DMXL1: variants seen among roughly 807,000 people sequenced by gnomAD.
DMXL1 encodes the protein Dmx like 1.
In DMXL1, 99 loss-of-function variants were observed where a neutral mutation model predicts 319.2. The observed-to-expected ratio is 0.31, with a 90% CI of 0.26 to 0.37. The LOEUF is 0.37. DMXL1 is among the 10% of genes least tolerant of loss of function. The pLI, the probability that DMXL1 is intolerant of heterozygous loss-of-function variation, is 1.00. For missense variants in DMXL1, 3,745 were observed against 3,595.6 expected (o/e 1.04, Z -1.06); for synonymous variants, 1,385 against 1,235.2 (o/e 1.12, Z -2.54).
chr5:119,142,517 T>TAA (rs148846123), intron 13 of DMXL1, among the ~76,000 whole-genome samples: 21 of 62,276 alleles, frequency 3.4e-4, no homozygotes, highest in Middle Eastern at 0.014. Flanking sequence ...TATTAAAAAG[T>TAA]AAAAAAAAAA....
At position 119,191,442 on chromosome 5, in the gene DMXL1, T is replaced by C. The variant is rs554624010; in HGVS notation, c.7314+1556T>C. Among the ~76,000 whole-genome samples the C allele has an allele frequency of 9.8e-5, 15 of 152,342 alleles. No homozygotes were observed. The East Asian group carries it at 2.5e-3, about 25-fold the overall frequency. ...GGGTCTCCTTGTTCCTCACTGCCCT[T>C]TTTTGAGTCATTTATTCATTCATAT... On this transcript the variant is annotated intron_variant, in intron 29 of 43. Transcript: ENST00000539542.
At position 119,196,373 on chromosome 5, in the gene DMXL1, G is replaced by T; in HGVS notation, c.7460G>T (p.Trp2487Leu). The T allele has an allele frequency of 6.2e-7, 1 of 1,613,002 alleles. No homozygotes were observed. Among genetic ancestry groups the T allele is most frequent in the South Asian group, 1.1e-5 (1 of 91,054 alleles). ...ATCCATCGTTGCTTTATTTTTAGTTGGTCCTTGATGCGGTTGGCGATGGTG... is the reference window on the plus strand; with the variant it reads ...ATCCATCGTTGCTTTATTTTTAGTTTGTCCTTGATGCGGTTGGCGATGGTG... ...QEHSNSNSYS[W>L]SLMRLAMVQL... The change falls in exon 31 of 44, where the codon TGG (tryptophan) becomes TTG (leucine). Residue 2487 changes from tryptophan to leucine, a missense_variant and splice_region_variant. By Grantham distance (61) the Trp-to-Leu change is moderately conservative. This residue lies in a region of DMXL1 where 1,382 missense variants were observed against 1,269.5 expected (regional missense o/e 1.09). Coordinates refer to ENST00000539542, the MANE Select transcript of DMXL1 (RefSeq NM_001290321.3).
intron 9 of DMXL1, among the ~76,000 whole-genome samples, chr5:119,126,528 A>T (rs1227584000): frequency 6.6e-6 from 1 of 152,182 alleles, no homozygotes; most frequent in Non-Finnish European, 1.5e-5. Context: ...ACAAAAAAGA[A>T]AATGTAGGAA....
chr5:119,146,534 CCTAT>C (rs1409988838), intron 15 of DMXL1, among the ~76,000 whole-genome samples: 1 of 151,828 alleles, frequency 6.6e-6, no homozygotes, highest in Non-Finnish European at 1.5e-5. Context: ...TTACATAGTT[CCTAT>C]CTGTTTAGAA....
intron 13 of DMXL1, among the ~76,000 whole-genome samples, chr5:119,141,317 G>C (rs1225275275): frequency 6.6e-6 from 1 of 152,138 alleles, no homozygotes; most frequent in Admixed American, 6.5e-5. Context: ...AACTATCACT[G>C]TTTGTACATG....
intron 35 of DMXL1, among the ~76,000 whole-genome samples, chr5:119,219,585 A>T (rs1263621057): frequency 6.6e-6 from 1 of 151,800 alleles, no homozygotes; most frequent in Non-Finnish European, 1.5e-5. Flanking sequence ...TTATTTATTT[A>T]TTTATTGAGA....
In DMXL1 at chr5:119,150,325, G is replaced by A. The variant is rs748271203; in HGVS notation, c.4498G>A (p.Gly1500Arg). The A allele has an allele frequency of 1.2e-6, 2 of 1,613,838 alleles. No homozygotes were observed. Among genetic ancestry groups the A allele is most frequent in the Non-Finnish European group, 1.7e-6 (2 of 1,179,846 alleles). The stretch of plus-strand genomic sequence containing the variant: ...CCACTTACTTCATTCTAGTTTACCA[G>A]GACTCAGCCGGATGGAGCAGATGTC... Reference protein sequence around the residue: ...SGHLLHSSLPGLSRMEQMSLM... With the variant: ...SGHLLHSSLPRLSRMEQMSLM... The change falls in exon 18 of 44, where the codon GGA (glycine) becomes AGA (arginine). Residue 1500 changes from glycine to arginine, a missense_variant. This residue lies in a region of DMXL1 where 2,096 missense variants were observed against 1,985.4 expected (regional missense o/e 1.06). Transcript: ENST00000539542.
intron 8 of DMXL1, among the ~76,000 whole-genome samples, chr5:119,119,488 C>T (rs1281217853): frequency 1.3e-5 from 2 of 151,276 alleles, no homozygotes; most frequent in African/African-American, 4.9e-5. Flanking sequence ...TGATCGTAGC[C>T]TAAAGGCTGA....
At chr5:119,121,417 A>G (rs1762021844) in intron 9 of DMXL1, among the ~76,000 whole-genome samples, 1 of 152,026 alleles carries the variant, frequency 6.6e-6, no homozygotes, top group African/African-American at 2.4e-5. Context: ...TCCTAGGCAG[A>G]GGACCCTGCG....
chr5:119,232,556 T>C (rs1213623532), intron 38 of DMXL1, among the ~76,000 whole-genome samples: 6 of 152,224 alleles, frequency 3.9e-5, no homozygotes, highest in Non-Finnish European at 8.8e-5. Flanking sequence ...CAGTGACTTA[T>C]ATATCATTAG....
At chr5:119,236,281 C>T (rs1339933695) in intron 39 of DMXL1, 1 of 152,008 alleles carries the variant, frequency 6.6e-6, no homozygotes, top group African/African-American at 2.4e-5. Flanking sequence ...TATATTACCA[C>T]ATAGGATTTA....
intron 1 of DMXL1, among the ~76,000 whole-genome samples, chr5:119,083,718 T>G (rs951595130): frequency 2.0e-5 from 3 of 151,976 alleles, no homozygotes; most frequent in African/African-American, 7.3e-5. Context: ...TTTTTGTGTT[T>G]TTAGTAGAGA....
intron 10 of DMXL1, among the ~76,000 whole-genome samples, chr5:119,132,130 G>A (rs781498281): frequency 3.9e-5 from 6 of 152,006 alleles, no homozygotes; most frequent in East Asian, 1.9e-4. Flanking sequence ...GACTGTTTGC[G>A]GGCTGTGATA....
chr5:119,193,171 G>A (rs956649170), intron 29 of DMXL1, among the ~76,000 whole-genome samples: 23 of 152,014 alleles, frequency 1.5e-4, no homozygotes, highest in African/African-American at 2.7e-4. Context: ...TGTCTTCTAC[G>A]TACAACTTAT....
At chr5:119,097,858 T>C (rs933065755) in intron 1 of DMXL1, 121 bp from the exon 2 acceptor site, 14 of 904,240 alleles carry the variant, frequency 1.5e-5, no homozygotes, top group Non-Finnish European at 1.9e-5. Flanking sequence ...AGAAAACACC[T>C]AAAATTGGTC....
Position 119,177,370 on chromosome 5 carries a change from A to G in DMXL1, c.6772A>G (p.Asn2258Asp). The change falls in exon 27 of 44, where the codon AAT becomes GAT. Residue 2258 changes from asparagine to aspartate, a missense_variant. Physicochemically the swap from Asn to Asp is conservative, Grantham distance 23. Around this residue, in one of 4 missense-constraint regions of DMXL1, gnomAD observed 1,382 missense variants for 1,269.5 expected, o/e 1.09. Coordinates refer to ENST00000539542, the MANE Select transcript of DMXL1 (RefSeq NM_001290321.3). ...GSHNYSSFQT[N>D]QFTGMVYQTV... The stretch of plus-strand genomic sequence containing the variant: ...TTTTTCTCTTAGTTCATTTCAGACG[A>G]ATCAGTTTACTGGAATGGTATATCA... 6.4e-7 allele frequency: 1 copy of G among 1,554,710 alleles called. No individual in the cohort carries two copies. The highest frequency in any genetic ancestry group is 2.3e-5 in the East Asian group (1 of 43,696).
At chr5:119,218,747 C>T (rs1340094005) in intron 35 of DMXL1, among the ~76,000 whole-genome samples, 1 of 152,236 alleles carries the variant, frequency 6.6e-6, no homozygotes, top group Non-Finnish European at 1.5e-5. Context: ...GCGTGAGCCA[C>T]TGCACCCAGC....
At chr5:119,097,950 T>C (rs1268197267) in intron 1 of DMXL1, 29 bp from the exon 2 acceptor site, 6 of 1,554,198 alleles carry the variant, frequency 3.9e-6, no homozygotes, top group Non-Finnish European at 2.6e-6. Context: ...CTTGACACTT[T>C]TATCATTTTT....
intron 31 of DMXL1, among the ~76,000 whole-genome samples, chr5:119,196,976 G>T (rs978369127): frequency 2.0e-5 from 3 of 152,110 alleles, no homozygotes; most frequent in African/African-American, 7.2e-5. Context: ...TAGTAAATCA[G>T]TAGGTCATTT....
Sources: allele counts gnomAD v4.1 joint callset (sites outside exome capture counted in the v4.1 genomes callset), GRCh38; gene constraint gnomAD v4.1.1; regional missense constraint gnomAD v4.1.1; transcripts MANE v1.5; gene names NCBI Gene and HGNC (gene_info 2026-07-23, HGNC 2026-07-21).